The following NIBAN1 variants were observed in gnomAD, a reference collection of about 807,000 sequenced individuals.
NIBAN1 encodes the protein niban apoptosis regulator 1, also known as protein Niban 1.
In NIBAN1, 81 loss-of-function variants were observed where a neutral mutation model predicts 75.1. The observed-to-expected ratio is 1.08, with a 90% CI of 0.90 to 1.30. NIBAN1 has a LOEUF of 1.30. NIBAN1 is among the 50% of genes most tolerant of loss of function. The probability of loss-of-function intolerance (pLI) is 0.00; values close to 1 mark genes in which losing one functional copy is unlikely to be tolerated. For synonymous variants in NIBAN1, 436 were observed against 424.8 expected, an observed-to-expected ratio of 1.03 and a Z score of -0.32; for missense variants, 1,133 against 1,128.1, an observed-to-expected ratio of 1.00 and a Z score of -0.06.
chr1:184,922,512 C>A (rs1657584277), intron 1 of NIBAN1, among the ~76,000 whole-genome samples: 1 of 152,150 alleles, frequency 6.6e-6, no homozygotes, highest in South Asian at 2.1e-4. Context: ...ACTTTGGGCA[C>A]CTTTTCATGT....
intron 1 of NIBAN1, among the ~76,000 whole-genome samples, chr1:184,922,387 C>T (rs1445032245): frequency 6.6e-6 from 1 of 152,064 alleles, no homozygotes; most frequent in African/African-American, 2.4e-5. Context: ...ACCCCCTTCA[C>T]CTCACCCACT....
chr1:184,931,465 T>C (rs1166138731), intron 1 of NIBAN1, among the ~76,000 whole-genome samples: 1 of 152,238 alleles, frequency 6.6e-6, no homozygotes. Flanking sequence ...TTAAATTTCA[T>C]TTCCATTTTA....
At chr1:184,918,392 C>A (rs1408345037) in intron 1 of NIBAN1, among the ~76,000 whole-genome samples, 2 of 152,226 alleles carry the variant, frequency 1.3e-5, no homozygotes, top group African/African-American at 2.4e-5. Context: ...AAACACATAA[C>A]TGATCAGGTC....
rs185663825 is a variant in NIBAN1, at chr1:184,944,625, G to A, written c.55+29677C>T. Reference sequence around the variant, plus strand: ...GACTATTAAGCAGTCTCTAAACTTAGTATAGGACAGTAAAGAAAGCAATGC... The same window carrying A: ...GACTATTAAGCAGTCTCTAAACTTAATATAGGACAGTAAAGAAAGCAATGC... On this transcript the variant is annotated intron_variant, in intron 1 of 13. Coordinates refer to ENST00000367511, the MANE Select transcript of NIBAN1 (RefSeq NM_052966.4). 5.7e-3 allele frequency among the ~76,000 whole-genome samples: 875 copies of A among 152,322 alleles called. 7 individuals carry two copies. Among genetic ancestry groups the A allele is most frequent in the Non-Finnish European group, 8.0e-3 (545 of 68,026 alleles).
chr1:184,932,575 C>A (rs1657852969), intron 1 of NIBAN1, among the ~76,000 whole-genome samples: 1 of 152,190 alleles, frequency 6.6e-6, no homozygotes, highest in Admixed American at 6.5e-5. Flanking sequence ...TGCTGCTCAC[C>A]TCCTGCTATG....
intron 1 of NIBAN1, among the ~76,000 whole-genome samples, chr1:184,957,790 C>T (rs1415907493): frequency 1.3e-5 from 2 of 152,152 alleles, no homozygotes; most frequent in South Asian, 2.1e-4. Flanking sequence ...TCAGATTCAG[C>T]GAGTCCTCAG....
intron 1 of NIBAN1, 144 bp from the exon 2 acceptor site, chr1:184,899,453 C>T (rs1345055921): frequency 2.4e-6 from 2 of 842,682 alleles, no homozygotes; most frequent in Non-Finnish European, 3.6e-6. Context: ...CCCCTGTTTC[C>T]CAGATATTTG....
At chr1:184,826,596 C>T (rs954744492) in intron 6 of NIBAN1, among the ~76,000 whole-genome samples, 1 of 152,196 alleles carries the variant, frequency 6.6e-6, no homozygotes, top group Non-Finnish European at 1.5e-5. Flanking sequence ...CATTATGAAA[C>T]TCAAGGGTCA....
chr1:184,876,573 C>A (rs540092926), intron 5 of NIBAN1, among the ~76,000 whole-genome samples: 3 of 151,128 alleles, frequency 2.0e-5, no homozygotes, highest in African/African-American at 4.9e-5. Flanking sequence ...TGGTAGTGTG[C>A]GCTTGTAATC....
At chr1:184,807,955 G>T in intron 10 of NIBAN1, 119 bp downstream of exon 10, 1 of 1,161,038 alleles carries the variant, frequency 8.6e-7, no homozygotes, top group Non-Finnish European at 1.3e-6. Flanking sequence ...GCAACATGAT[G>T]GCTAAAGAGA....
At chr1:184,840,954 T>TAA (rs1655269830) in intron 5 of NIBAN1, among the ~76,000 whole-genome samples, 1 of 112,628 alleles carries the variant, frequency 8.9e-6, no homozygotes, top group African/African-American at 3.5e-5. Flanking sequence ...GAAAAGAGTG[T>TAA]GAGTGTGTGT....
chr1:184,838,160 T>C (rs1195361323), intron 5 of NIBAN1, among the ~76,000 whole-genome samples: 1 of 152,206 alleles, frequency 6.6e-6, no homozygotes, highest in Non-Finnish European at 1.5e-5. Flanking sequence ...ATAAAACTCT[T>C]GCCAATATAA....
At chr1:184,813,371 G>T (rs1157579292) in intron 9 of NIBAN1, among the ~76,000 whole-genome samples, 1 of 150,860 alleles carries the variant, frequency 6.6e-6, no homozygotes, top group Non-Finnish European at 1.5e-5. Flanking sequence ...AATGAAAACA[G>T]CTTTAAAAAT....
intron 9 of NIBAN1, among the ~76,000 whole-genome samples, chr1:184,811,677 A>G (rs1269058493): frequency 2.6e-5 from 4 of 152,008 alleles, no homozygotes; most frequent in African/African-American, 9.7e-5. Flanking sequence ...TATTTTTAGT[A>G]GAGACAGGGT....
At chr1:184,802,294 G>A (rs1294365188) in intron 12 of NIBAN1, among the ~76,000 whole-genome samples, 1 of 152,092 alleles carries the variant, frequency 6.6e-6, no homozygotes, top group Non-Finnish European at 1.5e-5. Context: ...AGCACACTAT[G>A]TTGATGCTTG....
chr1:184,891,739 C>A (rs562422504), intron 3 of NIBAN1, among the ~76,000 whole-genome samples: 215 of 152,110 alleles, frequency 1.4e-3, no homozygotes, highest in Middle Eastern at 6.8e-3. Flanking sequence ...TGTTTAATTG[C>A]CAGCCAGAAT....
At chr1:184,970,499 G>A (rs85672) in intron 1 of NIBAN1, among the ~76,000 whole-genome samples, 81,073 of 151,960 alleles carry the variant, frequency 0.53, 22,900 homozygotes, top group African/African-American at 0.7. Context: ...TTTAAACTTT[G>A]TATCTAGCCA....
intron 2 of NIBAN1, among the ~76,000 whole-genome samples, chr1:184,896,029 A>G (rs1656790954): frequency 6.6e-6 from 1 of 152,170 alleles, no homozygotes; most frequent in Non-Finnish European, 1.5e-5. Context: ...ACACACACAT[A>G]CAGGAGTCTT....
At position 184,884,975 on chromosome 1, in the gene NIBAN1, A is replaced by G. The variant is rs1571546390; in HGVS notation, c.434-175T>C. Reference sequence around the variant, plus strand: ...CTGGCTCCTCTGGCATCCCTCCACCAGCTTCCCCTGTCCCACTGCGGTCTG... The same window carrying G: ...CTGGCTCCTCTGGCATCCCTCCACCGGCTTCCCCTGTCCCACTGCGGTCTG... On this transcript the variant is annotated intron_variant, in intron 4 of 13. Transcript: ENST00000367511. 3.3e-5 allele frequency among the ~76,000 whole-genome samples: 5 copies of G among 152,312 alleles called. No individual in the cohort carries two copies. In the South Asian group the frequency reaches 1.0e-3, roughly 32 times the overall value.
Sources: gnomAD v4.1 joint callset for allele counts (sites outside exome capture counted in the v4.1 genomes callset) on GRCh38, gnomAD v4.1.1 for gene constraint, MANE v1.5 for transcripts, NCBI Gene and HGNC (gene_info 2026-07-23, HGNC 2026-07-21) for gene names.